HIVEP2: variants seen among roughly 807,000 people sequenced by gnomAD.
The protein encoded by HIVEP2 is HIVEP zinc finger 2, also known as transcription factor HIVEP2.
A neutral mutation model predicts 180.7 loss-of-function variants in HIVEP2; 14 were observed. That is an observed-to-expected ratio of 0.08 (90% CI 0.05 to 0.12). The LOEUF (loss-of-function observed/expected upper bound fraction) is 0.12, where lower values mean the gene tolerates loss of function less well. Ranked by LOEUF, HIVEP2 falls within the 10% of genes least tolerant of loss-of-function variation. The probability of loss-of-function intolerance (pLI) is 1.00; values close to 1 mark genes in which losing one functional copy is unlikely to be tolerated. For synonymous variants in HIVEP2, 1,184 were observed against 1,136.4 expected, an observed-to-expected ratio of 1.04 and a Z score of -0.84; for missense variants, 2,579 against 3,008.5, an observed-to-expected ratio of 0.86 and a Z score of 3.34.
intron 2 of HIVEP2, among the ~76,000 whole-genome samples, chr6:142,797,191 T>A (rs1776299455): frequency 6.6e-6 from 1 of 152,162 alleles, no homozygotes; most frequent in African/African-American, 2.4e-5. Flanking sequence ...TCTGATATTT[T>A]ATTCATTAAA....
chr6:142,888,173 T>TTA (rs1776757065), intron 1 of HIVEP2, among the ~76,000 whole-genome samples: 1 of 151,872 alleles, frequency 6.6e-6, no homozygotes, highest in Admixed American at 6.6e-5. Context: ...GTTTTCTCCT[T>TTA]TAGTCTCAGT....
intron 6 of HIVEP2, 113 bp from the exon 7 acceptor site, chr6:142,765,087 A>G: frequency 1.3e-5 from 12 of 935,260 alleles, no homozygotes; most frequent in Non-Finnish European, 1.7e-5. Context: ...TTTTGCAGAC[A>G]ATTATTCAAC....
chr6:142,760,321 T>A lies in HIVEP2; in HGVS notation c.5967A>T (p.Ser1989=), dbSNP rs745886505. ...ATTCTGTCATCTGGGTATCTTCACA[T>A]GAATCACTGGGTGTCATAAGCTGAG... ...RVTQLMTPSD[S]CEDTQMTEYQ... The change falls in exon 9 of 10, where the codon TCA becomes TCT. Residue 1989 remains serine (S), a synonymous_variant. Transcript: ENST00000367603. 2 of 1,614,196 alleles carry A rather than the reference T, an allele frequency of 1.2e-6. No homozygotes were observed. The highest frequency in any genetic ancestry group is 2.2e-5 in the South Asian group (2 of 91,082).
At chr6:142,834,090 AT>A (rs1251455192) in intron 2 of HIVEP2, among the ~76,000 whole-genome samples, 1 of 152,230 alleles carries the variant, frequency 6.6e-6, no homozygotes, top group African/African-American at 2.4e-5. Flanking sequence ...AGCAAATCTA[AT>A]TTGCAACCTT....
chr6:142,798,010 A>T (rs914363604), intron 2 of HIVEP2, among the ~76,000 whole-genome samples: 3 of 152,146 alleles, frequency 2.0e-5, no homozygotes, highest in Admixed American at 6.6e-5. Flanking sequence ...TCTAGGTAAC[A>T]GTAGCTGGTG....
intron 2 of HIVEP2, among the ~76,000 whole-genome samples, chr6:142,793,654 TTC>T (rs1562521315): frequency 2.7e-4 from 17 of 62,760 alleles, no homozygotes; most frequent in African/African-American, 6.7e-4. Context: ...CTTTCTTTCT[TTC>T]TTTTTTCTTT....
At chr6:142,823,602 C>G (rs1183545190) in intron 2 of HIVEP2, among the ~76,000 whole-genome samples, 3 of 152,204 alleles carry the variant, frequency 2.0e-5, no homozygotes, top group Non-Finnish European at 4.4e-5. Flanking sequence ...GCCAAGCATC[C>G]CTTTCCTGGT....
intron 9 of HIVEP2, among the ~76,000 whole-genome samples, chr6:142,758,516 G>A (rs62430679): frequency 2.0e-5 from 3 of 152,144 alleles, no homozygotes; most frequent in South Asian, 2.1e-4. Context: ...ACAGAGATCC[G>A]GAGCAAGGGA....
intron 1 of HIVEP2, among the ~76,000 whole-genome samples, chr6:142,941,352 T>TA (rs1203086623): frequency 6.6e-6 from 1 of 152,254 alleles, no homozygotes; most frequent in Non-Finnish European, 1.5e-5. Context: ...TAGCTACAAA[T>TA]ACTGGCTTAC....
chr6:142,910,310 T>C lies in HIVEP2; in HGVS notation c.-641+34789A>G, dbSNP rs1205921188. ...ACTCTTCTCTCATTCTCTTCTAAAA[T>C]AAACAAAACAGGCCAGGCATGGTGG... On this transcript the variant is annotated intron_variant, in intron 1 of 9. Transcript: ENST00000367603. Among the ~76,000 whole-genome samples, 4 of 152,294 alleles carry C rather than the reference T, an allele frequency of 2.6e-5. No individual in the cohort carries two copies. In the South Asian group the frequency reaches 8.3e-4, roughly 32 times the overall value.
intron 1 of HIVEP2, among the ~76,000 whole-genome samples, chr6:142,858,102 A>T: frequency 6.6e-6 from 1 of 152,332 alleles, no homozygotes; most frequent in Non-Finnish European, 1.5e-5. Flanking sequence ...GCCCTTACTG[A>T]TGAAGGCTGG....
chr6:142,829,441 C>G (rs1315044390), intron 2 of HIVEP2, among the ~76,000 whole-genome samples: 1 of 152,186 alleles, frequency 6.6e-6, no homozygotes, highest in Non-Finnish European at 1.5e-5. Context: ...GCCCTCTACC[C>G]AAGCAAACCC....
intron 2 of HIVEP2, among the ~76,000 whole-genome samples, chr6:142,816,812 T>C (rs918844272): frequency 2.6e-5 from 4 of 152,230 alleles, no homozygotes; most frequent in East Asian, 3.8e-4. Flanking sequence ...TAAGATAGAT[T>C]CTGGTTCTAT....
chr6:142,804,919 A>G (rs994414903), intron 2 of HIVEP2, among the ~76,000 whole-genome samples: 1 of 152,176 alleles, frequency 6.6e-6, no homozygotes, highest in African/African-American at 2.4e-5. Flanking sequence ...AGATGAATGG[A>G]GAATAGTCAT....
At chr6:142,792,534 G>C (rs887983145) in intron 2 of HIVEP2, among the ~76,000 whole-genome samples, 1 of 152,048 alleles carries the variant, frequency 6.6e-6, no homozygotes, top group African/African-American at 2.4e-5. Flanking sequence ...CACAGGAAGG[G>C]GAACATCACA....
intron 7 of HIVEP2, among the ~76,000 whole-genome samples, chr6:142,762,468 AC>A (rs1172468558): frequency 3.0e-4 from 14 of 47,232 alleles, no homozygotes; most frequent in Non-Finnish European, 5.1e-4. Context: ...ACACACACAC[AC>A]ACACACACAC....
intron 1 of HIVEP2, among the ~76,000 whole-genome samples, chr6:142,876,489 T>G (rs7740847): frequency 1.3e-3 from 198 of 152,176 alleles, no homozygotes; most frequent in African/African-American, 4.7e-3. Flanking sequence ...GCTTCCATAG[T>G]AGACAGGTGC....
chr6:142,919,870 G>C (rs1053866739), intron 1 of HIVEP2, among the ~76,000 whole-genome samples: 2 of 152,180 alleles, frequency 1.3e-5, no homozygotes, highest in Admixed American at 1.3e-4. Context: ...CTCTACATTG[G>C]TCACTGATGT....
chr6:142,817,554 T>A (rs1404715736), intron 2 of HIVEP2, among the ~76,000 whole-genome samples: 6 of 152,198 alleles, frequency 3.9e-5, no homozygotes, highest in African/African-American at 1.4e-4. Context: ...ATAACATTAC[T>A]AATAAGTACA....
Sources: gnomAD v4.1 joint callset for allele counts (sites outside exome capture counted in the v4.1 genomes callset) on GRCh38, gnomAD v4.1.1 for gene constraint, MANE v1.5 for transcripts, NCBI Gene and HGNC (gene_info 2026-07-23, HGNC 2026-07-21) for gene names.